EDARADD: variants seen among roughly 807,000 people sequenced by gnomAD.
The protein encoded by EDARADD is ectodysplasin-A receptor-associated adapter protein.
Under a neutral mutation model 25.6 loss-of-function variants are expected in EDARADD, and 20 were observed. That is an observed-to-expected ratio of 0.78 (90% CI 0.55 to 1.14). The LOEUF is 1.14. Ranked by LOEUF, EDARADD falls within the 50% of genes most tolerant of loss-of-function variation. The pLI is 0.00. For missense variants in EDARADD, 225 were observed against 270.1 expected, an observed-to-expected ratio of 0.83 and a Z score of 1.17; for synonymous variants, 86 against 94.4, an observed-to-expected ratio of 0.91 and a Z score of 0.52.
chr1:236,470,796 A>T (rs1659339554), intron 5 of EDARADD, among the ~76,000 whole-genome samples: 1 of 151,990 alleles, frequency 6.6e-6, no homozygotes, highest in Admixed American at 6.6e-5. Context: ...TTTAGTAGAG[A>T]TGGGTTTTGC....
intron 3 of EDARADD, among the ~76,000 whole-genome samples, chr1:236,424,154 CTTTTTT>C (rs34454343): frequency 1.3e-5 from 1 of 74,400 alleles, no homozygotes; most frequent in Non-Finnish European, 2.4e-5. Flanking sequence ...TGTGAAGCAT[CTTTTTT>C]TTTTTTTTTT....
intron 4 of EDARADD, among the ~76,000 whole-genome samples, chr1:236,457,113 A>T (rs35440803): frequency 0.19 from 29,060 of 152,054 alleles, 3,261 homozygotes; most frequent in Middle Eastern, 0.27. Flanking sequence ...GATATTTTTT[A>T]AAAAAAGAAA....
Position 236,482,559 on chromosome 1 carries a change from C to T in EDARADD, c.558C>T (p.Tyr186=). ...AGCTGATGGAGCTCTGCAGGCTCTA[C>T]CACAGGGCCGACGTGGAGAAGGTTC... ...VGQLMELCRL[Y]HRADVEKVLR... Residue 186 remains tyrosine, a synonymous_variant, in exon 6 of 6, where the codon TAC becomes TAT. Transcript: ENST00000334232. The T allele has an allele frequency of 6.2e-7, 1 of 1,613,706 alleles. No individual in the cohort carries two copies. The highest frequency in any genetic ancestry group is 1.1e-5 in the South Asian group (1 of 91,048).
intron 4 of EDARADD, among the ~76,000 whole-genome samples, chr1:236,460,358 T>C (rs185441387): frequency 1.1e-3 from 170 of 152,002 alleles, no homozygotes; most frequent in African/African-American, 3.7e-3. Context: ...TTTTTGTATA[T>C]TTTTTGTAGA....
chr1:236,483,232 A>C lies in EDARADD; in HGVS notation c.*583A>C. The C allele has an allele frequency of 2.5e-6, 4 of 1,592,380 alleles. No homozygotes were observed. The Admixed American group carries it at 5.0e-5, about 20-fold the overall frequency. On this transcript the variant is annotated 3_prime_UTR_variant, in exon 6 of 6. Coordinates refer to ENST00000334232, the MANE Select transcript of EDARADD (RefSeq NM_145861.4). The stretch of plus-strand genomic sequence containing the variant: ...CGTGGGAATCCCACTGTTGAGGTTG[A>C]TCTCTTCACCTCAGAAGGTCTCTTC...
chr1:236,413,014 C>A (rs1480858869), intron 2 of EDARADD, among the ~76,000 whole-genome samples: 1 of 152,206 alleles, frequency 6.6e-6, no homozygotes, highest in African/African-American at 2.4e-5. Flanking sequence ...CAGGCACGGG[C>A]CACCATGCCC....
At chr1:236,375,655 CAAAAA>C (rs34232960) in intron 3 of EDARADD, among the ~76,000 whole-genome samples, 2 of 74,556 alleles carry the variant, frequency 2.7e-5, no homozygotes, top group African/African-American at 5.1e-5. Flanking sequence ...GACTTGGTCT[CAAAAA>C]AAAAAAAAAA....
chr1:236,466,616 A>G (rs1469449045), intron 4 of EDARADD, among the ~76,000 whole-genome samples: 1 of 152,240 alleles, frequency 6.6e-6, no homozygotes, highest in East Asian at 1.9e-4. Flanking sequence ...TCTAGCTGGT[A>G]ACACATGGGA....
intron 3 of EDARADD, chr1:236,350,964 T>C (rs1184217887): frequency 6.6e-6 from 1 of 152,076 alleles, no homozygotes; most frequent in East Asian, 1.9e-4. Context: ...TGGTAAACAA[T>C]TTAGGAACTG....
intron 4 of EDARADD, among the ~76,000 whole-genome samples, chr1:236,457,000 A>G (rs1233494938): frequency 1.3e-5 from 2 of 151,990 alleles, no homozygotes; most frequent in African/African-American, 4.8e-5. Flanking sequence ...TGAAATGTCA[A>G]CTGTTGTTCT....
At chr1:236,409,527 T>C (rs1277916450) in intron 2 of EDARADD, among the ~76,000 whole-genome samples, 1 of 151,810 alleles carries the variant, frequency 6.6e-6, no homozygotes, top group Non-Finnish European at 1.5e-5. Flanking sequence ...ATGTGAGGGC[T>C]TTACCCACTT....
intron 3 of EDARADD, among the ~76,000 whole-genome samples, chr1:236,358,860 G>T (rs1471169310): frequency 2.0e-5 from 3 of 152,114 alleles, no homozygotes; most frequent in South Asian, 2.1e-4. Flanking sequence ...GTTTTTGGGT[G>T]GAGAGTTCTG....
intron 1 of EDARADD, among the ~76,000 whole-genome samples, chr1:236,406,571 T>C (rs624052): frequency 6.6e-6 from 1 of 151,952 alleles, no homozygotes; most frequent in East Asian, 1.9e-4. Flanking sequence ...GCTATTTGTG[T>C]GTCTAAACAT....
In EDARADD at chr1:236,483,628, G is replaced by T; in HGVS notation, c.*979G>T. On this transcript the variant is annotated 3_prime_UTR_variant, in exon 6 of 6. Transcript: ENST00000334232. Reference sequence around the variant, plus strand: ...GTCCCGGTGTTCAATGTCATCAATGGCAGTTCTCATGCTGTCACCAAGCTG... The same window carrying T: ...GTCCCGGTGTTCAATGTCATCAATGTCAGTTCTCATGCTGTCACCAAGCTG... 1.3e-6 allele frequency: 2 copies of T among 1,556,854 alleles called. No homozygotes were observed. Among genetic ancestry groups the T allele is most frequent in the Non-Finnish European group, 1.8e-6 (2 of 1,129,994 alleles).
chr1:236,479,672 C>T (rs1659611767), intron 5 of EDARADD, among the ~76,000 whole-genome samples: 1 of 151,828 alleles, frequency 6.6e-6, no homozygotes, highest in Non-Finnish European at 1.5e-5. Context: ...TTTTCCATGA[C>T]TGCCTCGGTA....
chr1:236,390,959 A>ATTATTATTATTATTATTATTT, upstream of EDARADD, among the ~76,000 whole-genome samples: 1 of 150,834 alleles, frequency 6.6e-6, no homozygotes, highest in South Asian at 2.1e-4. Context: ...TATTATTATT[A>ATTATTATTATTATTATTATTT]TTTTTTGAGA....
intron 5 of EDARADD, among the ~76,000 whole-genome samples, chr1:236,479,374 G>T (rs1659601692): frequency 6.6e-6 from 1 of 151,720 alleles, no homozygotes; most frequent in Non-Finnish European, 1.5e-5. Flanking sequence ...GCATGTCTGT[G>T]GTCCCAGCTA....
At chr1:236,373,597 A>G (rs748060327) in intron 3 of EDARADD, among the ~76,000 whole-genome samples, 2 of 152,120 alleles carry the variant, frequency 1.3e-5, no homozygotes, top group Non-Finnish European at 2.9e-5. Context: ...TGATCTTTTT[A>G]AAGAACCAGC....
intron 1 of EDARADD, among the ~76,000 whole-genome samples, chr1:236,396,925 G>A (rs182219901): frequency 7.4e-6 from 1 of 135,268 alleles, no homozygotes; most frequent in African/African-American, 2.7e-5. Flanking sequence ...TTTTAGGCTG[G>A]ATTTTACTAC....
Sources: allele counts gnomAD v4.1 joint callset (sites outside exome capture counted in the v4.1 genomes callset), GRCh38; gene constraint gnomAD v4.1.1; transcripts MANE v1.5; gene names NCBI Gene and HGNC (gene_info 2026-07-23, HGNC 2026-07-21).